ANGPTL6: variants seen among roughly 807,000 people sequenced by gnomAD.
ANGPTL6 encodes angiopoietin like 6.
Under a neutral mutation model 47.4 loss-of-function variants are expected in ANGPTL6, and 45 were observed. The ratio of observed to expected loss-of-function variants is 0.95; its 90% CI spans 0.75 to 1.22. The LOEUF (loss-of-function observed/expected upper bound fraction) is 1.22, where lower values mean the gene tolerates loss of function less well. Among genes scored for constraint, ANGPTL6 ranks in the 50% most tolerant of loss-of-function variants. ANGPTL6 has a pLI of 0.00. For missense variants in ANGPTL6, 698 were observed against 669.4 expected (o/e 1.04, Z -0.47); for synonymous variants, 290 against 295.9 (o/e 0.98, Z 0.20).
upstream of ANGPTL6, among the ~76,000 whole-genome samples, chr19:10,103,823 G>C (rs10406526): frequency 2.7e-5 from 4 of 150,884 alleles, no homozygotes; most frequent in East Asian, 5.8e-4. Context: ...GGCTGGGCGC[G>C]GTGGCTCACG....
intron 1 of ANGPTL6, among the ~76,000 whole-genome samples, chr19:10,101,514 A>G (rs2088677174): frequency 6.6e-6 from 1 of 151,950 alleles, no homozygotes; most frequent in Non-Finnish European, 1.5e-5. Flanking sequence ...CACCCAAGAA[A>G]TGGCAGAAAG....
At chr19:10,097,865 T>A (rs2088587611) in intron 1 of ANGPTL6, among the ~76,000 whole-genome samples, 1 of 150,644 alleles carries the variant, frequency 6.6e-6, no homozygotes, top group Non-Finnish European at 1.5e-5. Context: ...AAAAATAAAA[T>A]AAAATAAAAT....
rs1568476107 is a variant in ANGPTL6, at chr19:10,102,592, CAGCGA to C, written c.-40_-36del. The stretch of plus-strand genomic sequence containing the variant: ...CCTCTGATGCCCAAGACCCTGAATC[CAGCGA>C]AGCTCACAGAACACACAAGAAGTCC... On this transcript the variant is annotated 5_prime_UTR_variant, in exon 1 of 6. Coordinates refer to ENST00000253109, the MANE Select transcript of ANGPTL6 (RefSeq NM_031917.3). 2 of 984,624 alleles carry C rather than the reference CAGCGA, an allele frequency of 2.0e-6. No individual in the cohort carries two copies. The highest frequency in any genetic ancestry group is 2.4e-6 in the Non-Finnish European group (2 of 829,358). The allele number at this position is 984,624 out of a possible 1,614,324, so 61.0% of individuals were successfully genotyped here.
At chr19:10,103,790 T>C (rs2088741606), upstream of ANGPTL6, among the ~76,000 whole-genome samples, 1 of 151,292 alleles carries the variant, frequency 6.6e-6, no homozygotes, top group South Asian at 2.1e-4. Context: ...ATCTGGATTT[T>C]ATAATTAGAA....
At chr19:10,105,071 C>T (rs968777843), upstream of ANGPTL6, among the ~76,000 whole-genome samples, 3 of 152,230 alleles carry the variant, frequency 2.0e-5, no homozygotes, top group Non-Finnish European at 2.9e-5. Flanking sequence ...AAGGCCCCAC[C>T]GACGACCAGC....
intron 1 of ANGPTL6, among the ~76,000 whole-genome samples, chr19:10,098,059 T>C (rs2088591178): frequency 1.3e-5 from 2 of 150,454 alleles, no homozygotes; most frequent in Non-Finnish European, 3.0e-5. Flanking sequence ...ATCTGGCTAA[T>C]GTTTAAATTT....
Position 10,093,337 on chromosome 19 carries a change from A to T in ANGPTL6, c.1222+12T>A. ...TCCCCTATCCTCTCACCAGAATAGG[A>T]GTTCTCCTTACCAGAATAGGAGTCT... On this transcript the variant is annotated intron_variant, in intron 5 of 5. Coordinates refer to ENST00000253109, the MANE Select transcript of ANGPTL6 (RefSeq NM_031917.3). 1 of 1,608,002 alleles carries T rather than the reference A, an allele frequency of 6.2e-7. No individual in the cohort carries two copies. Among genetic ancestry groups the T allele is most frequent in the Non-Finnish European group, 8.5e-7 (1 of 1,175,296 alleles).
chr19:10,101,133 C>T (rs961549725), intron 1 of ANGPTL6, among the ~76,000 whole-genome samples: 1 of 152,042 alleles, frequency 6.6e-6, no homozygotes, highest in South Asian at 2.1e-4. Context: ...CACTTGAACC[C>T]GGAAGGCAGA....
intron 2 of ANGPTL6, among the ~76,000 whole-genome samples, chr19:10,095,557 C>T (rs930705928): frequency 1.3e-5 from 2 of 152,192 alleles, no homozygotes; most frequent in African/African-American, 4.8e-5. Context: ...AACTTACTGA[C>T]TCCTCTCACC....
upstream of ANGPTL6, among the ~76,000 whole-genome samples, chr19:10,103,221 C>G (rs1040960203): frequency 1.3e-5 from 2 of 151,750 alleles, no homozygotes; most frequent in African/African-American, 4.8e-5. Context: ...TACACCACAG[C>G]TGTCACACAC....
rs1323431759 is a variant in ANGPTL6 at position 10,096,066 on chromosome 19, C to T, written c.498G>A (p.Glu166=). 1.3e-6 allele frequency: 2 copies of T among 1,481,982 alleles called. No homozygotes were observed. The highest frequency in any genetic ancestry group is 1.8e-6 in the Non-Finnish European group (2 of 1,116,792). 91.8% of individuals were successfully genotyped at this position (1,481,982 alleles called of 1,614,324 possible). The part of the protein sequence containing the change: ...RFHQLDVKFR[E]LAQLVTQQSS... The stretch of plus-strand genomic sequence containing the variant: ...TCTGCTGGGTGACGAGCTGCGCCAG[C>T]TCGCGGAACTTGACGTCCAGCTGGT... The change falls in exon 2 of 6, where the codon GAG becomes GAA. Residue 166 remains glutamate (E), a synonymous_variant. Transcript: ENST00000253109.
chr19:10,103,171 G>C (rs2088723950), upstream of ANGPTL6, among the ~76,000 whole-genome samples: 1 of 151,772 alleles, frequency 6.6e-6, no homozygotes, highest in Non-Finnish European at 1.5e-5. Context: ...GACCAGGATG[G>C]GAGCCAGCCA....
upstream of ANGPTL6, among the ~76,000 whole-genome samples, chr19:10,103,457 G>C (rs911228410): frequency 7.9e-5 from 12 of 151,516 alleles, no homozygotes; most frequent in African/African-American, 2.9e-4. Flanking sequence ...GGGCATGGTG[G>C]CATGCGCCAG....
intron 3 of ANGPTL6, chr19:10,094,512 T>C (rs375419722): frequency 9.5e-5 from 53 of 557,922 alleles, no homozygotes; most frequent in African/African-American, 9.1e-4. Context: ...CTGAATATGA[T>C]ACTCTGAACC....
upstream of ANGPTL6, among the ~76,000 whole-genome samples, chr19:10,104,596 T>C (rs1205063650): frequency 1.3e-5 from 2 of 152,118 alleles, no homozygotes; most frequent in Non-Finnish European, 2.9e-5. Context: ...CCTATCCTAA[T>C]ATATAACCAT....
At position 10,093,553 on chromosome 19, in the gene ANGPTL6, G is replaced by A. The variant is rs138652863; in HGVS notation, c.1018C>T (p.Arg340Cys). 199 of 1,613,962 alleles carry A rather than the reference G, an allele frequency of 1.2e-4. No individual in the cohort carries two copies. Among genetic ancestry groups the A allele is most frequent in the Non-Finnish European group, 1.5e-4 (179 of 1,179,958 alleles). Residue 340 changes from arginine (R) to cysteine (C), a missense_variant, in exon 5 of 6, where the codon CGT (arginine) becomes TGT (cysteine). Physicochemically the swap from Arg to Cys is radical, Grantham distance 180 (BLOSUM62 -3). Transcript: ENST00000253109. ...GLEPVYQLTSRGDHELLVLLE... is the reference protein window; with the variant it reads ...GLEPVYQLTSCGDHELLVLLE... Reference sequence around the variant, plus strand: ...AGAACCAGCAGCTCATGGTCCCCACGGCTGGTCAGCTGATACACGGGTTCA... The same window carrying A: ...AGAACCAGCAGCTCATGGTCCCCACAGCTGGTCAGCTGATACACGGGTTCA...
chr19:10,100,856 G>A (rs2088659979), intron 1 of ANGPTL6, among the ~76,000 whole-genome samples: 3 of 152,112 alleles, frequency 2.0e-5, no homozygotes, highest in Non-Finnish European at 4.4e-5. Flanking sequence ...TAATAGAGGA[G>A]TCAGGACTGG....
rs902563213 is a variant in ANGPTL6 at position 10,092,440 on chromosome 19, T to C, written c.*149A>G. On this transcript the variant is annotated 3_prime_UTR_variant, in exon 6 of 6. Coordinates refer to ENST00000253109, the MANE Select transcript of ANGPTL6 (RefSeq NM_031917.3). ...GATATTGACGGGGGGGATTCCTGGGTCCCATTTTCAGCGCCCAGGGTCACA... is the reference window on the plus strand; with the variant it reads ...GATATTGACGGGGGGGATTCCTGGGCCCCATTTTCAGCGCCCAGGGTCACA... The C allele has an allele frequency of 2.0e-6, 3 of 1,519,806 alleles. No individual in the cohort carries two copies. In the African/African-American group the frequency reaches 4.2e-5, roughly 21 times the overall value. The allele number at this position is 1,519,806 out of a possible 1,614,324, so 94.1% of individuals were successfully genotyped here. A position where few individuals can be genotyped will look rare whatever the true frequency, so the allele number is the denominator to read the frequency against.
In ANGPTL6 at chr19:10,092,687, G is replaced by A. The variant is rs201518909; in HGVS notation, c.1315C>T (p.Arg439Ter). The A allele has an allele frequency of 4.2e-5, 67 of 1,614,022 alleles. No homozygotes were observed. In the Middle Eastern group the frequency reaches 5.0e-4, roughly 12 times the overall value. Residue 439 changes from arginine (R) to a stop codon, truncating the protein, a stop_gained, in exon 6 of 6, where the codon CGA becomes TGA. Coordinates refer to ENST00000253109, the MANE Select transcript of ANGPTL6 (RefSeq NM_031917.3). LOFTEE classifies it high-confidence loss of function. ...TAGACACCATCCTGGTAGCGGCTTC[G>A]GTAGTGGCCGCCGTGGTGCCACACA... ...NGVWHHGGHY[R>*]SRYQDGVYWA...
Sources: gnomAD v4.1 joint callset for allele counts (sites outside exome capture counted in the v4.1 genomes callset) on GRCh38, gnomAD v4.1.1 for gene constraint, MANE v1.5 for transcripts, NCBI Gene and HGNC (gene_info 2026-07-23, HGNC 2026-07-21) for gene names.